The following CSNK1G3 variants were observed in gnomAD, a reference collection of about 807,000 sequenced individuals.
The protein encoded by CSNK1G3 is casein kinase 1 gamma 3, also known as casein kinase I isoform gamma-3.
A neutral mutation model predicts 64.3 loss-of-function variants in CSNK1G3; 23 were observed. The ratio of observed to expected loss-of-function variants is 0.36; its 90% CI spans 0.26 to 0.51. The LOEUF is 0.51. CSNK1G3 is among the 20% of genes least tolerant of loss of function. CSNK1G3 has a pLI of 0.96. For synonymous variants in CSNK1G3, 158 were observed against 162.2 expected, an observed-to-expected ratio of 0.97 and a Z score of 0.20; for missense variants, 357 against 510.5, an observed-to-expected ratio of 0.70 and a Z score of 2.90.
At chr5:123,614,741 C>G (rs1429141588) in exon 13 of CSNK1G3, 1 of 183,752 alleles carries the variant, frequency 5.4e-6, no homozygotes, top group Admixed American at 5.9e-5. Flanking sequence ...TAAGTGTCAA[C>G]CAGTTATATA....
At chr5:123,576,859 T>C (rs989513746) in intron 6 of CSNK1G3, among the ~76,000 whole-genome samples, 1 of 152,146 alleles carries the variant, frequency 6.6e-6, no homozygotes, top group Non-Finnish European at 1.5e-5. Flanking sequence ...TTTTGCCCTC[T>C]AGATTTAGCA....
chr5:123,614,809 C>T (rs1300671902), exon 13 of CSNK1G3: 2 of 155,418 alleles, frequency 1.3e-5, no homozygotes, highest in Non-Finnish European at 2.9e-5. Context: ...ATTTTCTTTT[C>T]TCAGTGGATA....
At chr5:123,536,511 A>G (rs887516489) in intron 1 of CSNK1G3, among the ~76,000 whole-genome samples, 6 of 151,020 alleles carry the variant, frequency 4.0e-5, no homozygotes, top group Non-Finnish European at 7.4e-5. Context: ...TAGGGGGACT[A>G]TAGTTAACAG....
At chr5:123,515,708 T>G (rs1013802342) in intron 1 of CSNK1G3, among the ~76,000 whole-genome samples, 7 of 152,216 alleles carry the variant, frequency 4.6e-5, no homozygotes, top group African/African-American at 1.7e-4. Flanking sequence ...GTTTGAAGTT[T>G]TTTTTTCTTC....
At chr5:123,525,346 C>G (rs560404730) in intron 1 of CSNK1G3, among the ~76,000 whole-genome samples, 4 of 148,628 alleles carry the variant, frequency 2.7e-5, no homozygotes, top group Non-Finnish European at 5.9e-5. Context: ...GAGTCTCACT[C>G]TGTCGCCCAG....
intron 4 of CSNK1G3, among the ~76,000 whole-genome samples, chr5:123,558,500 ATTTC>A (rs1236180360): frequency 2.0e-5 from 3 of 152,204 alleles, no homozygotes; most frequent in Admixed American, 2.0e-4. Flanking sequence ...ATAAAATGGA[ATTTC>A]TTCATGTATC....
At chr5:123,533,389 G>A (rs1025431802) in intron 1 of CSNK1G3, among the ~76,000 whole-genome samples, 6 of 151,620 alleles carry the variant, frequency 4.0e-5, no homozygotes, top group Middle Eastern at 3.2e-3. Context: ...GTTATCTATC[G>A]TACGGTATTA....
intron 3 of CSNK1G3, among the ~76,000 whole-genome samples, chr5:123,556,421 C>G (rs892210051): frequency 6.6e-5 from 10 of 152,014 alleles, no homozygotes; most frequent in Admixed American, 1.3e-4. Flanking sequence ...CAAATCCATA[C>G]TAAATCTTCT....
intron 1 of CSNK1G3, among the ~76,000 whole-genome samples, chr5:123,529,512 A>G (rs1455374446): frequency 3.3e-5 from 5 of 152,182 alleles, no homozygotes; most frequent in African/African-American, 1.2e-4. Context: ...GTTGTTCATC[A>G]CTGTATTTCT....
chr5:123,573,357 G>A, intron 4 of CSNK1G3, 36 bp from the exon 5 acceptor site: 1 of 1,596,604 alleles, frequency 6.3e-7, no homozygotes, highest in African/African-American at 1.3e-5. Context: ...TATTTAAGAT[G>A]ATGAAATTAT....
intron 1 of CSNK1G3, among the ~76,000 whole-genome samples, chr5:123,519,749 G>A (rs1031326512): frequency 2.0e-5 from 3 of 152,156 alleles, no homozygotes; most frequent in African/African-American, 7.2e-5. Flanking sequence ...GGGAGGAAGG[G>A]AAGGACCATA....
chr5:123,559,815 T>G (rs930813221), intron 4 of CSNK1G3, among the ~76,000 whole-genome samples: 1 of 152,054 alleles, frequency 6.6e-6, no homozygotes, highest in Non-Finnish European at 1.5e-5. Flanking sequence ...CTGATGACTT[T>G]TAAACAGTTT....
At chr5:123,534,714 G>A (rs1478520922) in intron 1 of CSNK1G3, among the ~76,000 whole-genome samples, 1 of 152,024 alleles carries the variant, frequency 6.6e-6, no homozygotes, top group Non-Finnish European at 1.5e-5. Context: ...TTCCCCACTT[G>A]AACCTCCAGA....
chr5:123,545,422 T>C, exon 2 of CSNK1G3: 1 of 348,596 alleles, frequency 2.9e-6, no homozygotes, highest in Non-Finnish European at 5.2e-6. Context: ...TCTAGCTCTC[T>C]ATCAATATCA....
intron 4 of CSNK1G3, among the ~76,000 whole-genome samples, chr5:123,560,199 A>C (rs1394837272): frequency 6.6e-6 from 1 of 152,178 alleles, no homozygotes; most frequent in Non-Finnish European, 1.5e-5. Flanking sequence ...ATATGGCTGT[A>C]ACAAAACAAA....
At chr5:123,582,591 A>G (rs1297734575) in intron 6 of CSNK1G3, among the ~76,000 whole-genome samples, 1 of 152,212 alleles carries the variant, frequency 6.6e-6, no homozygotes, top group Non-Finnish European at 1.5e-5. Context: ...ATCTTTAATG[A>G]TACCTATTTT....
intron 1 of CSNK1G3, among the ~76,000 whole-genome samples, chr5:123,537,694 T>G (rs1274534092): frequency 6.6e-6 from 1 of 152,170 alleles, no homozygotes; most frequent in Non-Finnish European, 1.5e-5. Flanking sequence ...AATCATATTT[T>G]GAGATGCAAT....
At chr5:123,591,189 G>T in intron 9 of CSNK1G3, 130 bp from the exon 10 acceptor site, 1 of 464,290 alleles carries the variant, frequency 2.2e-6, no homozygotes. Flanking sequence ...TGATAATGAT[G>T]CCTTTACTTA....
intron 10 of CSNK1G3, among the ~76,000 whole-genome samples, chr5:123,593,228 C>CACACACAT (rs761508982): frequency 6.8e-6 from 1 of 147,850 alleles, no homozygotes; most frequent in Non-Finnish European, 1.5e-5. Context: ...CACACACACA[C>CACACACAT]ATATATATAA....
Sources: gnomAD v4.1 joint callset for allele counts (sites outside exome capture counted in the v4.1 genomes callset) on GRCh38, gnomAD v4.1.1 for gene constraint, MANE v1.5 for transcripts, NCBI Gene and HGNC (gene_info 2026-07-23, HGNC 2026-07-21) for gene names.